CACNG4: variants seen among roughly 807,000 people sequenced by gnomAD.
The protein encoded by CACNG4 is calcium voltage-gated channel auxiliary subunit gamma 4.
In CACNG4, 8 loss-of-function variants were observed where a neutral mutation model predicts 22.9. That is an observed-to-expected ratio of 0.35 (90% CI 0.21 to 0.63). The LOEUF (loss-of-function observed/expected upper bound fraction) is 0.63, where lower values mean the gene tolerates loss of function less well. Among genes scored for constraint, CACNG4 ranks in the 30% least tolerant of loss-of-function variants. CACNG4 has a pLI of 0.72. For synonymous variants in CACNG4, 188 were observed against 191.9 expected (o/e 0.98, Z 0.17); for missense variants, 357 against 455.4 (o/e 0.78, Z 1.97).
At chr17:66,976,467 CCCT>C (rs1261469529) in intron 1 of CACNG4, among the ~76,000 whole-genome samples, 1 of 150,850 alleles carries the variant, frequency 6.6e-6, no homozygotes, top group African/African-American at 2.4e-5. Flanking sequence ...CAACTTCCCT[CCCT>C]CCTTCCAGCT....
chr17:66,981,496 C>T (rs1296868312), intron 1 of CACNG4, among the ~76,000 whole-genome samples: 1 of 152,212 alleles, frequency 6.6e-6, no homozygotes, highest in African/African-American at 2.4e-5. Context: ...TGTTTTGAAA[C>T]CTAGTTGCTT....
intron 1 of CACNG4, among the ~76,000 whole-genome samples, chr17:67,012,445 C>T (rs903127808): frequency 6.6e-6 from 1 of 152,106 alleles, no homozygotes; most frequent in South Asian, 2.1e-4. Context: ...TCCTAGGGAC[C>T]AGGCATCGGG....
intron 1 of CACNG4, among the ~76,000 whole-genome samples, chr17:66,973,917 T>C (rs1393395669): frequency 6.6e-6 from 1 of 152,222 alleles, no homozygotes. Flanking sequence ...CGCGAGACTC[T>C]CTTTTCTGAA....
At position 67,031,620 on chromosome 17, in the gene CACNG4, C is replaced by A. The variant is rs1230625701; in HGVS notation, c.*616C>A. 3 of 456,790 alleles carry A rather than the reference C, an allele frequency of 6.6e-6. No individual in the cohort carries two copies. The highest frequency in any genetic ancestry group is 1.3e-5 in the Non-Finnish European group (3 of 226,982). 28.3% of individuals were successfully genotyped at this position (456,790 alleles called of 1,614,324 possible). On this transcript the variant is annotated 3_prime_UTR_variant, in exon 4 of 4. Transcript: ENST00000262138. The surrounding 1 kb of genome is among the most constrained non-coding windows in gnomAD (Gnocchi z 4.0). ...ACTGGTGCTTTGGCCTTTGCGCTGT[C>A]CCGGGGCCAGCTTCCCTCGACCTGG...
chr17:67,002,797 G>A (rs2035416201), intron 1 of CACNG4, among the ~76,000 whole-genome samples: 2 of 152,160 alleles, frequency 1.3e-5, no homozygotes, highest in Admixed American at 6.5e-5. Flanking sequence ...CTGTAAAATG[G>A]GTGTATAGAA....
intron 2 of CACNG4, among the ~76,000 whole-genome samples, chr17:67,022,481 G>A (rs554723126): frequency 1.5e-3 from 232 of 152,256 alleles, no homozygotes; most frequent in Admixed American, 5.2e-3. Context: ...CCCAGAGCCC[G>A]CTGCTGCCAG....
intron 1 of CACNG4, among the ~76,000 whole-genome samples, chr17:67,010,927 C>G (rs972171505): frequency 6.6e-6 from 1 of 152,174 alleles, no homozygotes; most frequent in African/African-American, 2.4e-5. Flanking sequence ...CTTTCTGAGA[C>G]ACAGACATGG....
At chr17:66,985,232 G>A (rs1295057213) in intron 1 of CACNG4, among the ~76,000 whole-genome samples, 1 of 152,120 alleles carries the variant, frequency 6.6e-6, no homozygotes, top group Non-Finnish European at 1.5e-5. Flanking sequence ...TTGAGGATTT[G>A]AAAACTAAAT....
chr17:66,990,390 A>C (rs1021957837), intron 1 of CACNG4, among the ~76,000 whole-genome samples: 31 of 152,188 alleles, frequency 2.0e-4, no homozygotes, highest in African/African-American at 7.0e-4. Context: ...ACAGAGTCTT[A>C]TATTACGTAA....
At chr17:66,971,446 C>T (rs921512935) in intron 1 of CACNG4, among the ~76,000 whole-genome samples, 5 of 152,152 alleles carry the variant, frequency 3.3e-5, no homozygotes, top group African/African-American at 1.2e-4. Context: ...TCACTGAACA[C>T]CTGGTCTGTA....
intron 2 of CACNG4, among the ~76,000 whole-genome samples, chr17:67,023,679 C>G (rs987477159): frequency 2.6e-5 from 4 of 151,758 alleles, no homozygotes; most frequent in Non-Finnish European, 5.9e-5. Flanking sequence ...TCGAGAGATT[C>G]TCCTGCCTCA....
intron 1 of CACNG4, among the ~76,000 whole-genome samples, chr17:66,988,399 G>A (rs55640404): frequency 0.04 from 6,155 of 152,224 alleles, 389 homozygotes; most frequent in African/African-American, 0.14. Flanking sequence ...TTGAATCTGC[G>A]GCACCAGCTT....
chr17:66,982,272 C>T (rs965518976), intron 1 of CACNG4, among the ~76,000 whole-genome samples: 4 of 149,764 alleles, frequency 2.7e-5, no homozygotes, highest in South Asian at 4.1e-4. Context: ...CGTTTTACAG[C>T]ATGCTGATTG....
intron 1 of CACNG4, among the ~76,000 whole-genome samples, chr17:66,988,409 T>G (rs1176986101): frequency 6.6e-6 from 1 of 152,190 alleles, no homozygotes; most frequent in Non-Finnish European, 1.5e-5. Flanking sequence ...GGCACCAGCT[T>G]TTCTTTGAAG....
At chr17:67,004,209 G>T (rs1414808066) in intron 1 of CACNG4, among the ~76,000 whole-genome samples, 1 of 152,254 alleles carries the variant, frequency 6.6e-6, no homozygotes, top group African/African-American at 2.4e-5. Context: ...TCCAGTAGAT[G>T]CAAGGAGAAA....
intron 1 of CACNG4, among the ~76,000 whole-genome samples, chr17:67,013,077 C>G (rs1364896584): frequency 6.6e-6 from 1 of 152,178 alleles, no homozygotes; most frequent in Admixed American, 6.5e-5. Flanking sequence ...GTGACCAGCT[C>G]ACCCCGTTTG....
intron 1 of CACNG4, among the ~76,000 whole-genome samples, chr17:66,976,428 CCTCT>C (rs148407123): frequency 1.6e-3 from 237 of 150,412 alleles, no homozygotes; most frequent in African/African-American, 5.0e-3. Context: ...CACCTCCATC[CCTCT>C]CTCTAACTTC....
intron 1 of CACNG4, among the ~76,000 whole-genome samples, chr17:66,997,112 G>C (rs556731495): frequency 6.6e-6 from 1 of 152,298 alleles, no homozygotes; most frequent in African/African-American, 2.4e-5. Context: ...GGTCAGTGAT[G>C]GTGCTGTGGT....
At position 66,992,894 on chromosome 17, in the gene CACNG4, G is replaced by C. The variant is rs184060317; in HGVS notation, c.221-25295G>C. Among the ~76,000 whole-genome samples the C allele has an allele frequency of 2.3e-3, 354 of 152,360 alleles. 6 individuals are homozygous for C. The highest frequency in any genetic ancestry group is 0.017 in the Admixed American group (264 of 15,304). ...CCCAACAGAATCTGGATCTGCCCTC[G>C]TTTGGGCCATACATAAAACCCCAGG... On this transcript the variant is annotated intron_variant, in intron 1 of 3. Coordinates refer to ENST00000262138, the MANE Select transcript of CACNG4 (RefSeq NM_014405.4).
Sources: allele counts gnomAD v4.1 joint callset (sites outside exome capture counted in the v4.1 genomes callset), GRCh38; gene constraint gnomAD v4.1.1; non-coding constraint Gnocchi (gnomAD v3.1); transcripts MANE v1.5; gene names NCBI Gene and HGNC (gene_info 2026-07-23, HGNC 2026-07-21).